The following LRRC20 variants were observed in gnomAD, a reference collection of about 807,000 sequenced individuals.
LRRC20 encodes leucine-rich repeat-containing protein 20.
A neutral mutation model predicts 14.4 loss-of-function variants in LRRC20; 11 were observed. That is an observed-to-expected ratio of 0.77 (90% CI 0.48 to 1.27). The LOEUF (loss-of-function observed/expected upper bound fraction) is 1.27, where lower values mean the gene tolerates loss of function less well. LRRC20 is among the 50% of genes most tolerant of loss of function. The pLI is 0.00. For synonymous variants in LRRC20, 121 were observed against 107.3 expected (o/e 1.13, Z -0.79); for missense variants, 219 against 251.2 (o/e 0.87, Z 0.87).
At chr10:70,311,885 G>A (rs961336421) in intron 4 of LRRC20, among the ~76,000 whole-genome samples, 3 of 152,240 alleles carry the variant, frequency 2.0e-5, no homozygotes, top group African/African-American at 7.2e-5. Context: ...TAGAAGCAGA[G>A]TGGGCAGTGT....
At chr10:70,340,293 T>C (rs999797223) in intron 3 of LRRC20, among the ~76,000 whole-genome samples, 2 of 152,030 alleles carry the variant, frequency 1.3e-5, no homozygotes, top group African/African-American at 4.8e-5. Context: ...TGCTGGTCTG[T>C]TCAGAACAAG....
At chr10:70,360,795 G>C (rs887740990) in intron 2 of LRRC20, among the ~76,000 whole-genome samples, 42 of 152,156 alleles carry the variant, frequency 2.8e-4, no homozygotes, top group Admixed American at 2.4e-3. Context: ...TGTCTCACAT[G>C]AAAGTTGTCA....
At chr10:70,314,189 T>C (rs577067091) in intron 4 of LRRC20, among the ~76,000 whole-genome samples, 1 of 152,206 alleles carries the variant, frequency 6.6e-6, no homozygotes, top group African/African-American at 2.4e-5. Flanking sequence ...CAATTCAAGA[T>C]GAGATTTGGG....
chr10:70,368,870 G>A (rs562046364), intron 2 of LRRC20, among the ~76,000 whole-genome samples: 21 of 152,202 alleles, frequency 1.4e-4, no homozygotes, highest in South Asian at 8.3e-4. Flanking sequence ...CAATCTGCCC[G>A]CCTCAGCGTC....
chr10:70,315,013 C>T (rs1489669529), intron 4 of LRRC20, among the ~76,000 whole-genome samples: 3 of 152,190 alleles, frequency 2.0e-5, no homozygotes, highest in South Asian at 2.1e-4. Context: ...GTTGGAATCC[C>T]GGCTCAGATG....
chr10:70,359,250 C>T (rs1291987927), intron 2 of LRRC20, among the ~76,000 whole-genome samples: 4 of 152,142 alleles, frequency 2.6e-5, no homozygotes, highest in African/African-American at 9.7e-5. Flanking sequence ...TTACATCACT[C>T]TCCCATTCAA....
chr10:70,304,212 C>T (rs1271075973), intron 4 of LRRC20, among the ~76,000 whole-genome samples: 1 of 151,956 alleles, frequency 6.6e-6, no homozygotes, highest in African/African-American at 2.4e-5. Context: ...CCGTGAGCAG[C>T]CGGATCCCAG....
chr10:70,309,131 C>T (rs529398477), intron 4 of LRRC20, among the ~76,000 whole-genome samples: 2 of 152,266 alleles, frequency 1.3e-5, no homozygotes, highest in South Asian at 4.1e-4. Context: ...GTACAGATGC[C>T]ATCCCCTCTG....
chr10:70,369,223 G>A (rs944014612), intron 2 of LRRC20, among the ~76,000 whole-genome samples: 5 of 152,164 alleles, frequency 3.3e-5, no homozygotes, highest in African/African-American at 1.2e-4. Flanking sequence ...GGGAGAAGGC[G>A]GGAAGAGGGA....
chr10:70,360,430 T>C (rs533266693), intron 2 of LRRC20, among the ~76,000 whole-genome samples: 1 of 151,546 alleles, frequency 6.6e-6, no homozygotes, highest in South Asian at 2.1e-4. Context: ...TTCCTCCTTC[T>C]CTTGCTCTTC....
At chr10:70,336,831 C>A (rs1842737922) in intron 3 of LRRC20, among the ~76,000 whole-genome samples, 1 of 152,150 alleles carries the variant, frequency 6.6e-6, no homozygotes, top group African/African-American at 2.4e-5. Context: ...TCTGGCCTGG[C>A]AGTCCCAGGA....
intron 3 of LRRC20, among the ~76,000 whole-genome samples, chr10:70,329,792 C>T (rs536634517): frequency 4.8e-4 from 73 of 152,132 alleles, no homozygotes; most frequent in African/African-American, 1.5e-3. Context: ...CTCGAACTCC[C>T]GAGCTCAGGC....
At chr10:70,304,379 G>C (rs1841325576) in intron 4 of LRRC20, among the ~76,000 whole-genome samples, 1 of 150,494 alleles carries the variant, frequency 6.6e-6, no homozygotes, top group Non-Finnish European at 1.5e-5. Flanking sequence ...TGGTTGTTTT[G>C]TGTTTAATTT....
intron 2 of LRRC20, among the ~76,000 whole-genome samples, chr10:70,362,931 G>C (rs1354420204): frequency 1.3e-5 from 2 of 152,106 alleles, no homozygotes; most frequent in Non-Finnish European, 2.9e-5. Flanking sequence ...TAGGTCGTGA[G>C]GGTGGAGCCC....
At chr10:70,352,616 T>C (rs1028910136) in intron 2 of LRRC20, among the ~76,000 whole-genome samples, 35 of 152,194 alleles carry the variant, frequency 2.3e-4, no homozygotes, top group African/African-American at 8.0e-4. Context: ...CCAATTGTAG[T>C]AAATATGCCC....
intron 2 of LRRC20, among the ~76,000 whole-genome samples, chr10:70,369,916 C>T (rs1241521747): frequency 6.6e-6 from 1 of 152,022 alleles, no homozygotes; most frequent in Non-Finnish European, 1.5e-5. Flanking sequence ...CCCATCTCTG[C>T]TAAATATACA....
intron 4 of LRRC20, among the ~76,000 whole-genome samples, chr10:70,310,302 GA>G (rs1273639393): frequency 6.6e-6 from 1 of 152,208 alleles, no homozygotes; most frequent in East Asian, 1.9e-4. Flanking sequence ...GCATTTTGTG[GA>G]TGGGGAAACT....
chr10:70,358,325 C>A (rs1843604449), intron 2 of LRRC20, among the ~76,000 whole-genome samples: 1 of 152,190 alleles, frequency 6.6e-6, no homozygotes, highest in African/African-American at 2.4e-5. Flanking sequence ...GAGGGGGCAG[C>A]AGATGGAAGC....
chr10:70,370,323 GGATTACACAGATGATA>G (rs1236300447), intron 2 of LRRC20, among the ~76,000 whole-genome samples: 1 of 152,106 alleles, frequency 6.6e-6, no homozygotes, highest in African/African-American at 2.4e-5. Flanking sequence ...CTGCGACCCA[GGATTACACAGATGATA>G]GTTCACCAGA....
Sources: allele counts gnomAD v4.1 joint callset (sites outside exome capture counted in the v4.1 genomes callset), GRCh38; gene constraint gnomAD v4.1.1; transcripts MANE v1.5; gene names NCBI Gene and HGNC (gene_info 2026-07-23, HGNC 2026-07-21).